FBXL17: variants seen among roughly 807,000 people sequenced by gnomAD.
FBXL17 encodes F-box/LRR-repeat protein 17.
Under a neutral mutation model 66.2 loss-of-function variants are expected in FBXL17, and 22 were observed. The observed-to-expected ratio is 0.33, with a 90% CI of 0.24 to 0.47. The LOEUF is 0.47. Ranked by LOEUF, FBXL17 falls within the 20% of genes least tolerant of loss-of-function variation. The probability of loss-of-function intolerance (pLI) is 1.00; values close to 1 mark genes in which losing one functional copy is unlikely to be tolerated. For missense variants in FBXL17, 878 were observed against 948.2 expected, an observed-to-expected ratio of 0.93 and a Z score of 0.97; for synonymous variants, 474 against 400.5, an observed-to-expected ratio of 1.18 and a Z score of -2.19.
chr5:107,960,607 C>T (rs748530251), intron 7 of FBXL17, among the ~76,000 whole-genome samples: 10 of 152,054 alleles, frequency 6.6e-5, no homozygotes, highest in East Asian at 1.9e-4. Flanking sequence ...TTTGTCTTTC[C>T]GTACCTGGCT....
intron 6 of FBXL17, among the ~76,000 whole-genome samples, chr5:108,076,300 C>T (rs1748545592): frequency 6.6e-6 from 1 of 151,174 alleles, no homozygotes; most frequent in Admixed American, 6.6e-5. Context: ...TGGATCTTGG[C>T]CATGCTAGGA....
At chr5:108,209,055 T>C (rs1754252170) in intron 5 of FBXL17, among the ~76,000 whole-genome samples, 1 of 152,154 alleles carries the variant, frequency 6.6e-6, no homozygotes, top group African/African-American at 2.4e-5. Flanking sequence ...TCCTAGGTAT[T>C]TTATTATCTT....
chr5:108,046,168 G>C (rs1347235008), intron 6 of FBXL17, among the ~76,000 whole-genome samples: 1 of 152,172 alleles, frequency 6.6e-6, no homozygotes, highest in African/African-American at 2.4e-5. Flanking sequence ...GGATGGCTAT[G>C]TCTAATGGGT....
intron 7 of FBXL17, among the ~76,000 whole-genome samples, chr5:107,998,349 C>T (rs948070790): frequency 2.0e-5 from 3 of 152,118 alleles, no homozygotes; most frequent in Non-Finnish European, 4.4e-5. Context: ...AGTGACAATA[C>T]ATAGCAATTA....
At chr5:108,208,093 T>A (rs1183070730) in intron 5 of FBXL17, among the ~76,000 whole-genome samples, 1 of 152,228 alleles carries the variant, frequency 6.6e-6, no homozygotes, top group Non-Finnish European at 1.5e-5. Context: ...TTTTCATATG[T>A]CTGTTGACTG....
intron 4 of FBXL17, among the ~76,000 whole-genome samples, chr5:108,232,889 G>A (rs1361229705): frequency 6.7e-6 from 1 of 148,690 alleles, no homozygotes; most frequent in Non-Finnish European, 1.5e-5. Context: ...GAATTCCACT[G>A]TATGGATATA....
intron 4 of FBXL17, among the ~76,000 whole-genome samples, chr5:108,279,214 T>C (rs1044883462): frequency 1.3e-5 from 2 of 152,028 alleles, no homozygotes; most frequent in Admixed American, 1.3e-4. Context: ...ACAACCAACA[T>C]TCAAGAAAGA....
At position 107,980,664 on chromosome 5, in the gene FBXL17, A is replaced by ATTTTTTTTTT. The variant is rs57472813; in HGVS notation, c.1822+40251_1822+40260dup. ...TAAAATAATATATATATATATATAT[A>ATTTTTTTTTT]TTTTTTTTTTGAGATGGAGTCTTGC... is the stretch of plus-strand genomic sequence containing the variant. On this transcript the variant is annotated intron_variant, in intron 7 of 8. Transcript: ENST00000542267. 5.8e-4 allele frequency among the ~76,000 whole-genome samples: 36 copies of ATTTTTTTTTT among 61,862 alleles called. 1 individual carries two copies. Among genetic ancestry groups the ATTTTTTTTTT allele is most frequent in the East Asian group, 1.1e-3 (1 of 942 alleles). 40.6% of individuals were successfully genotyped at this position (61,862 alleles called of 152,430 possible).
chr5:108,368,495 T>G (rs1748818649), intron 1 of FBXL17, among the ~76,000 whole-genome samples: 1 of 151,998 alleles, frequency 6.6e-6, no homozygotes, highest in East Asian at 1.9e-4. Flanking sequence ...TAATAAAATA[T>G]ATATACTAAA....
At position 108,379,672 on chromosome 5, in the gene FBXL17, C is replaced by A. The variant is rs150821938; in HGVS notation, c.993+1027G>T. ...ATTTATGGCTAGTCTCTAGTATCAT[C>A]CACAATGAAAATGGTTTATATTTAT... On this transcript the variant is annotated intron_variant, in intron 1 of 8. Transcript: ENST00000542267. 4.4e-4 allele frequency among the ~76,000 whole-genome samples: 67 copies of A among 152,196 alleles called. No homozygotes were observed. The East Asian group carries it at 0.012, about 28-fold the overall frequency.
Position 108,381,909 on chromosome 5 carries a change from G to A in FBXL17, c.-218C>T. On this transcript the variant is annotated 5_prime_UTR_variant, in exon 1 of 9. Coordinates refer to ENST00000542267, the MANE Select transcript of FBXL17 (RefSeq NM_001163315.3). ...ACGGGGGCTACATGCTTTGCCCAGG[G>A]AAGCCGGGAGAACGATGGGCGCGAG... is the stretch of plus-strand genomic sequence containing the variant. 7 of 1,266,614 alleles carry A rather than the reference G, an allele frequency of 5.5e-6. No individual in the cohort carries two copies. In the South Asian group the frequency reaches 8.2e-5, roughly 15 times the overall value. 78.5% of individuals were successfully genotyped at this position (1,266,614 alleles called of 1,614,324 possible).
At chr5:108,337,243 G>A (rs1485606318) in intron 4 of FBXL17, among the ~76,000 whole-genome samples, 1 of 146,542 alleles carries the variant, frequency 6.8e-6, no homozygotes, top group Non-Finnish European at 1.5e-5. Context: ...GTGACAGAGT[G>A]AGACTCCATC....
At chr5:108,225,124 C>G (rs184772421) in intron 4 of FBXL17, among the ~76,000 whole-genome samples, 1 of 152,152 alleles carries the variant, frequency 6.6e-6, no homozygotes, top group Admixed American at 6.5e-5. Context: ...TGGCAATCTA[C>G]ATTTTCCTAT....
chr5:108,297,947 T>C (rs1245468064), intron 4 of FBXL17: 1 of 972,082 alleles, frequency 1.0e-6, no homozygotes, highest in Non-Finnish European at 1.2e-6. Context: ...TATGGCATTA[T>C]ATTCTCCATT....
chr5:108,075,587 T>C (rs952378464), intron 6 of FBXL17, among the ~76,000 whole-genome samples: 18 of 152,158 alleles, frequency 1.2e-4, no homozygotes, highest in Non-Finnish European at 1.2e-4. Context: ...GCAATTCTCC[T>C]GTCTCAGCCT....
At position 108,099,517 on chromosome 5, in the gene FBXL17, T is replaced by C. The variant is rs1256547652; in HGVS notation, c.1746-78516A>G. ...AAAAATCAGACAAAAAGCAGTAAAC[T>C]GTGAAAATGTGACAAGGCAAAGAGG... On this transcript the variant is annotated intron_variant, in intron 6 of 8. Coordinates refer to ENST00000542267, the MANE Select transcript of FBXL17 (RefSeq NM_001163315.3). 2.6e-5 allele frequency among the ~76,000 whole-genome samples: 4 copies of C among 152,234 alleles called. No homozygotes were observed. In the East Asian group the frequency reaches 7.7e-4, roughly 29 times the overall value.
chr5:107,996,319 T>G (rs1398068314), intron 7 of FBXL17, among the ~76,000 whole-genome samples: 1 of 152,150 alleles, frequency 6.6e-6, no homozygotes, highest in East Asian at 1.9e-4. Flanking sequence ...TATTTTTTGT[T>G]TGTTTGTTTG....
chr5:108,367,712 G>A (rs978402298), intron 2 of FBXL17, 119 bp downstream of exon 2: 2 of 824,596 alleles, frequency 2.4e-6, no homozygotes, highest in African/African-American at 1.8e-5. Context: ...GCACAAAATT[G>A]TAGATTACAG....
At chr5:108,056,540 C>A (rs975440595) in intron 6 of FBXL17, among the ~76,000 whole-genome samples, 2 of 152,166 alleles carry the variant, frequency 1.3e-5, no homozygotes, top group Non-Finnish European at 2.9e-5. Flanking sequence ...ATGAGTTTTA[C>A]AAATACATAA....
Sources: allele counts gnomAD v4.1 joint callset (sites outside exome capture counted in the v4.1 genomes callset), GRCh38; gene constraint gnomAD v4.1.1; transcripts MANE v1.5; gene names NCBI Gene and HGNC (gene_info 2026-07-23, HGNC 2026-07-21).